The following LNPEP variants were observed in gnomAD, a reference collection of about 807,000 sequenced individuals.
LNPEP encodes the protein leucyl-cystinyl aminopeptidase.
In LNPEP, 64 loss-of-function variants were observed where a neutral mutation model predicts 120.6. That is an observed-to-expected ratio of 0.53 (90% confidence interval 0.43 to 0.65). The LOEUF (loss-of-function observed/expected upper bound fraction) is 0.65. Among genes scored for constraint, LNPEP ranks in the 30% least tolerant of loss-of-function variants. LNPEP has a pLI of 0.00. For synonymous variants in LNPEP, 435 were observed against 425.4 expected, an observed-to-expected ratio of 1.02 and a Z score of -0.28; for missense variants, 1,057 against 1,200.0, an observed-to-expected ratio of 0.88 and a Z score of 1.76.
chr5:97,004,598 T>C (rs543760311), intron 9 of LNPEP, among the ~76,000 whole-genome samples: 1 of 152,244 alleles, frequency 6.6e-6, no homozygotes, highest in South Asian at 2.1e-4. Context: ...AAACCACATA[T>C]GTGCAGAACA....
rs1161489789 is a variant in LNPEP at position 97,034,368 on chromosome 5, G to A, written c.*5835G>A. On this transcript the variant is annotated 3_prime_UTR_variant, in exon 18 of 18. Coordinates refer to ENST00000231368, the MANE Select transcript of LNPEP (RefSeq NM_005575.3). ...TCCCTTATTGCCTGTCTTGGCAATG[G>A]CCAGTAGAGTAGTTATTTAAGGGAT... is the stretch of plus-strand genomic sequence containing the variant. The A allele has an allele frequency of 2.6e-5, 4 of 151,938 alleles. No individual in the cohort carries two copies. The highest frequency in any genetic ancestry group is 5.9e-5 in the Non-Finnish European group (4 of 67,966). 9.4% of individuals were successfully genotyped at this position (151,938 alleles called of 1,614,324 possible). A position where few individuals can be genotyped will look rare whatever the true frequency, so the allele number is the denominator to read the frequency against.
chr5:96,953,699 A>G (rs1255442997), intron 1 of LNPEP, among the ~76,000 whole-genome samples: 1 of 152,176 alleles, frequency 6.6e-6, no homozygotes, highest in East Asian at 1.9e-4. Flanking sequence ...TTTTCATCTG[A>G]AAGTTTTCTC....
Position 96,948,120 on chromosome 5 carries a change from CT to C in LNPEP, c.19+11961del, listed in dbSNP as rs769737708. Among the ~76,000 whole-genome samples, 200 of 142,646 alleles carry C rather than the reference CT, an allele frequency of 1.4e-3. 1 individual carries two copies. Among genetic ancestry groups the C allele is most frequent in the Middle Eastern group, 3.6e-3 (1 of 280 alleles). The allele number at this position is 142,646 out of a possible 152,430, so 93.6% of individuals were successfully genotyped here. On this transcript the variant is annotated intron_variant, in intron 1 of 17. Transcript: ENST00000231368. The stretch of plus-strand genomic sequence containing the variant: ...TGTAAACATTTTAATACAAATTTCT[CT>C]TTTTTTTTTTTTTTGAGATGGAGTC...
chr5:96,941,784 G>A lies in LNPEP; in HGVS notation c.19+5610G>A, dbSNP rs1789061028. ...TGTGATTGTCCTAGCAGCACCTGAA[G>A]GACTTTGCATTTTACAAAGATGTTT... On this transcript the variant is annotated intron_variant, in intron 1 of 17. Coordinates refer to ENST00000231368, the MANE Select transcript of LNPEP (RefSeq NM_005575.3). Among the ~76,000 whole-genome samples the A allele has an allele frequency of 2.0e-5, 3 of 152,308 alleles. 1 individual carries two copies. The highest frequency in any genetic ancestry group is 2.0e-4 in the Admixed American group (3 of 15,298).
intron 2 of LNPEP, among the ~76,000 whole-genome samples, chr5:96,984,146 G>A (rs181636501): frequency 2.0e-4 from 30 of 152,210 alleles, no homozygotes; most frequent in African/African-American, 6.5e-4. Context: ...GCCCCAAAAC[G>A]AGATGCAGAT....
intron 17 of LNPEP, 71 bp from the exon 18 acceptor site, chr5:97,028,331 T>C (rs1582039535): frequency 7.0e-7 from 1 of 1,438,542 alleles, no homozygotes; most frequent in East Asian, 2.3e-5. Flanking sequence ...AAAGCTTATT[T>C]TAAAAGCTGG....
chr5:96,973,725 C>T (rs1400160705), intron 1 of LNPEP, among the ~76,000 whole-genome samples: 2 of 152,074 alleles, frequency 1.3e-5, no homozygotes, highest in Non-Finnish European at 2.9e-5. Flanking sequence ...AATGAATCCC[C>T]CACAGATGCC....
At chr5:96,995,864 G>A (rs1219410908) in intron 6 of LNPEP, 1 of 152,948 alleles carries the variant, frequency 6.5e-6, no homozygotes, top group African/African-American at 2.4e-5. Context: ...TTTGAATTCT[G>A]TTTTGAATCA....
chr5:96,971,578 T>A (rs575354619), intron 1 of LNPEP, among the ~76,000 whole-genome samples: 1 of 152,182 alleles, frequency 6.6e-6, no homozygotes, highest in Admixed American at 6.6e-5. Flanking sequence ...CTGTGTTTAT[T>A]TTTCTTCAAT....
At chr5:97,023,883 G>T (rs560942862) in intron 14 of LNPEP, among the ~76,000 whole-genome samples, 4 of 152,216 alleles carry the variant, frequency 2.6e-5, no homozygotes, top group African/African-American at 9.6e-5. Context: ...CTGGGTTTTT[G>T]ATAGCAGCCA....
intron 4 of LNPEP, among the ~76,000 whole-genome samples, chr5:96,989,389 C>T (rs55966495): frequency 6.1e-3 from 119 of 19,484 alleles, no homozygotes; most frequent in African/African-American, 0.02. Flanking sequence ...ATATTATATA[C>T]AATATATTAT....
intron 13 of LNPEP, 29 bp from the exon 14 acceptor site, chr5:97,022,271 A>G: frequency 7.8e-7 from 1 of 1,288,576 alleles, no homozygotes; most frequent in African/African-American, 1.5e-5. Context: ...ATTATTATGA[A>G]GCCATTATAA....
At position 97,014,989 on chromosome 5, in the gene LNPEP, GA is replaced by G; in HGVS notation, c.2273del (p.Asn758MetfsTer35). The G allele has an allele frequency of 6.3e-7, 1 of 1,587,802 alleles. No individual in the cohort carries two copies. The highest frequency in any genetic ancestry group is 1.8e-5 in the Admixed American group (1 of 57,092). On this transcript the variant is annotated frameshift_variant, in exon 13 of 18. Coordinates refer to ENST00000231368, the MANE Select transcript of LNPEP (RefSeq NM_005575.3). LOFTEE classifies it high-confidence loss of function. ...GCCTTTGATTTGATTAATTATCTTG[GA>G]AATGAGAACCATACTGCACCCATCA... ...KRAFDLINYL[G>X]NENHTAPITE...
At chr5:96,954,993 A>G (rs904405009) in intron 1 of LNPEP, among the ~76,000 whole-genome samples, 1 of 149,356 alleles carries the variant, frequency 6.7e-6, no homozygotes, top group African/African-American at 2.4e-5. Context: ...CGTGTTAGCC[A>G]GGATGGTCTC....
At position 97,028,582 on chromosome 5, in the gene LNPEP, C is replaced by T. The variant is rs764738617; in HGVS notation, c.*49C>T. On this transcript the variant is annotated 3_prime_UTR_variant, in exon 18 of 18. Coordinates refer to ENST00000231368, the MANE Select transcript of LNPEP (RefSeq NM_005575.3). ...GTTGCCCATTCAGAGAGCTTGTAAG[C>T]TTGGGCTCTGCCGCTTTTGCAAAAG... The T allele has an allele frequency of 2.5e-6, 4 of 1,598,038 alleles. No homozygotes were observed. The highest frequency in any genetic ancestry group is 3.4e-6 in the Non-Finnish European group (4 of 1,171,594).
intron 1 of LNPEP, among the ~76,000 whole-genome samples, chr5:96,977,062 G>T (rs1790016217): frequency 6.6e-6 from 1 of 151,908 alleles, no homozygotes; most frequent in Non-Finnish European, 1.5e-5. Context: ...CCTAGAAAAT[G>T]ATTAGAAGTT....
intron 13 of LNPEP, among the ~76,000 whole-genome samples, chr5:97,018,812 GGCTGC>G: frequency 6.6e-6 from 1 of 152,228 alleles, no homozygotes; most frequent in East Asian, 1.9e-4. Flanking sequence ...TTGTTATGTA[GGCTGC>G]ACATGACATA....
chr5:97,014,165 A>G (rs189328843), intron 12 of LNPEP, among the ~76,000 whole-genome samples: 27 of 152,310 alleles, frequency 1.8e-4, no homozygotes, highest in Admixed American at 7.8e-4. Context: ...TGGTTTAAGC[A>G]TGAAGCTTAG....
intron 9 of LNPEP, 40 bp downstream of exon 9, chr5:97,003,586 AAG>A (rs750324404): frequency 2.1e-5 from 30 of 1,426,866 alleles, no homozygotes; most frequent in South Asian, 2.7e-5. Context: ...TTACTGTAAA[AAG>A]AGAGGAGTTC....
Sources: gnomAD v4.1 joint callset for allele counts (sites outside exome capture counted in the v4.1 genomes callset) on GRCh38, gnomAD v4.1.1 for gene constraint, MANE v1.5 for transcripts, NCBI Gene and HGNC (gene_info 2026-07-23, HGNC 2026-07-21) for gene names.